Variants in ZMAT4 observed in about 807,000 individuals in gnomAD.
The protein encoded by ZMAT4 is zinc finger matrin-type protein 4.
ZMAT4 carries 17 observed loss-of-function variants against 28.7 expected under a neutral mutation model. That is an observed-to-expected ratio of 0.59 (90% CI 0.41 to 0.89). The LOEUF is 0.89. Ranked by LOEUF, ZMAT4 falls within the 40% of genes least tolerant of loss-of-function variation. The pLI is 0.00. For synonymous variants in ZMAT4, 117 were observed against 109.2 expected (o/e 1.07, Z -0.44); for missense variants, 240 against 283.8 (o/e 0.85, Z 1.11).
At chr8:40,788,936 A>T (rs1369342464) in intron 2 of ZMAT4, among the ~76,000 whole-genome samples, 2 of 148,032 alleles carry the variant, frequency 1.4e-5, no homozygotes, top group African/African-American at 4.9e-5. Flanking sequence ...ATCAATTAAT[A>T]GAATTTATCA....
intron 1 of ZMAT4, among the ~76,000 whole-genome samples, chr8:40,880,214 A>C (rs368451152): frequency 4.6e-5 from 7 of 152,058 alleles, no homozygotes; most frequent in African/African-American, 1.7e-4. Context: ...CTAAAAATAC[A>C]AAAAATTAGC....
intron 1 of ZMAT4, among the ~76,000 whole-genome samples, chr8:40,844,966 G>C (rs1234256017): frequency 6.6e-6 from 1 of 152,138 alleles, no homozygotes; most frequent in Non-Finnish European, 1.5e-5. Context: ...CTTCCAGCAA[G>C]GATGGTCCAC....
intron 6 of ZMAT4, among the ~76,000 whole-genome samples, chr8:40,534,676 CCT>C (rs1802790957): frequency 7.5e-6 from 1 of 133,966 alleles, no homozygotes; most frequent in Non-Finnish European, 1.6e-5. Context: ...ACATTTGCTA[CCT>C]TTTTTTTTTT....
chr8:40,665,391 A>C (rs750477101), intron 5 of ZMAT4, among the ~76,000 whole-genome samples: 1 of 152,088 alleles, frequency 6.6e-6, no homozygotes, highest in African/African-American at 2.4e-5. Context: ...CCACACAGAG[A>C]GGCAGCAGCT....
chr8:40,661,974 T>TTTTG (rs1049860513), intron 5 of ZMAT4, among the ~76,000 whole-genome samples: 12 of 152,024 alleles, frequency 7.9e-5, no homozygotes, highest in African/African-American at 1.9e-4. Flanking sequence ...AGGTTAATTT[T>TTTTG]TTTGTTTGTT....
chr8:40,593,305 T>A (rs1395475209), intron 5 of ZMAT4, among the ~76,000 whole-genome samples: 2 of 152,194 alleles, frequency 1.3e-5, no homozygotes, highest in Non-Finnish European at 2.9e-5. Context: ...GGTATCAAGA[T>A]ACACAGTGGG....
intron 2 of ZMAT4, among the ~76,000 whole-genome samples, chr8:40,771,806 A>T (rs1813401136): frequency 6.6e-6 from 1 of 152,220 alleles, no homozygotes; most frequent in South Asian, 2.1e-4. Flanking sequence ...ACTGTGAAGG[A>T]CTGGAGGAAA....
chr8:40,569,947 T>C (rs907406958), intron 6 of ZMAT4, among the ~76,000 whole-genome samples: 10 of 152,174 alleles, frequency 6.6e-5, no homozygotes, highest in Admixed American at 2.6e-4. Flanking sequence ...ATATTAGAGA[T>C]TGTTGGAATT....
chr8:40,892,519 T>A (rs1311693420), intron 1 of ZMAT4, among the ~76,000 whole-genome samples: 1 of 152,228 alleles, frequency 6.6e-6, no homozygotes, highest in East Asian at 1.9e-4. Context: ...ACCACAGGTG[T>A]TCCTGTCTTT....
chr8:40,731,184 C>T (rs779271055), intron 3 of ZMAT4, among the ~76,000 whole-genome samples: 21 of 152,094 alleles, frequency 1.4e-4, no homozygotes, highest in East Asian at 3.9e-4. Flanking sequence ...GGTTGGAGGG[C>T]GTTCCAGGGG....
intron 5 of ZMAT4, among the ~76,000 whole-genome samples, chr8:40,603,041 A>C (rs1216549946): frequency 6.6e-6 from 1 of 152,198 alleles, no homozygotes; most frequent in East Asian, 1.9e-4. Context: ...TTATGGTTTC[A>C]GGTCTTAGAT....
chr8:40,699,134 C>T (rs1277357499), intron 3 of ZMAT4, among the ~76,000 whole-genome samples: 2 of 152,054 alleles, frequency 1.3e-5, no homozygotes, highest in Non-Finnish European at 1.5e-5. Flanking sequence ...TCAGTCAAGC[C>T]TAGGAGACAG....
At chr8:40,821,728 C>A (rs1490163984) in intron 2 of ZMAT4, among the ~76,000 whole-genome samples, 1 of 152,184 alleles carries the variant, frequency 6.6e-6, no homozygotes, top group East Asian at 1.9e-4. Context: ...GCCCTGACCA[C>A]CACCAACTAT....
intron 1 of ZMAT4, among the ~76,000 whole-genome samples, chr8:40,842,937 G>A (rs993463302): frequency 6.6e-6 from 1 of 152,138 alleles, no homozygotes; most frequent in African/African-American, 2.4e-5. Context: ...CACCATGCCT[G>A]GCTAATTTTT....
chr8:40,575,387 A>T (rs942371786), intron 6 of ZMAT4, among the ~76,000 whole-genome samples: 4 of 152,124 alleles, frequency 2.6e-5, no homozygotes, highest in Non-Finnish European at 4.4e-5. Context: ...ACAGCTTGAA[A>T]GCTTCATCCC....
intron 1 of ZMAT4, among the ~76,000 whole-genome samples, chr8:40,840,601 G>A (rs1324695609): frequency 3.9e-5 from 6 of 152,124 alleles, no homozygotes; most frequent in East Asian, 1.9e-4. Flanking sequence ...TGCTACCTCC[G>A]TTAGTCAGAG....
rs552419790 is a variant in ZMAT4, at chr8:40,888,853, A to G, written c.-5+8830T>C. 7.9e-5 allele frequency among the ~76,000 whole-genome samples: 12 copies of G among 152,358 alleles called. No individual in the cohort carries two copies. The South Asian group carries it at 2.5e-3, about 32-fold the overall frequency. ...CACATGCATTTGGTCTTAATTAATA[A>G]GTGGATTAAGCCAAAGGCATGGCTT... On this transcript the variant is annotated intron_variant, in intron 1 of 6. Transcript: ENST00000297737.
At chr8:40,752,426 C>T (rs1231910901) in intron 3 of ZMAT4, among the ~76,000 whole-genome samples, 1 of 152,162 alleles carries the variant, frequency 6.6e-6, no homozygotes, top group African/African-American at 2.4e-5. Context: ...GCCCACTACC[C>T]CCTTGGCTGG....
intron 2 of ZMAT4, among the ~76,000 whole-genome samples, chr8:40,803,152 C>A (rs981941993): frequency 2.0e-5 from 3 of 152,042 alleles, no homozygotes. Flanking sequence ...ATCTAGATGA[C>A]CTTGGGACCA....
Sources: gnomAD v4.1 joint callset for allele counts (sites outside exome capture counted in the v4.1 genomes callset) on GRCh38, gnomAD v4.1.1 for gene constraint, MANE v1.5 for transcripts, NCBI Gene and HGNC (gene_info 2026-07-23, HGNC 2026-07-21) for gene names.